PARP8: variants seen among roughly 807,000 people sequenced by gnomAD.
The protein encoded by PARP8 is poly(ADP-ribose) polymerase family member 8, also known as protein mono-ADP-ribosyltransferase PARP8.
PARP8 carries 51 observed loss-of-function variants against 124.1 expected under a neutral mutation model. The observed-to-expected ratio is 0.41, with a 90% confidence interval of 0.33 to 0.52. The LOEUF is 0.52. Ranked by LOEUF, PARP8 falls within the 20% of genes least tolerant of loss-of-function variation. The pLI is 0.21. For synonymous variants in PARP8, 391 were observed against 361.5 expected (o/e 1.08, Z -0.93); for missense variants, 860 against 1,018.9 (o/e 0.84, Z 2.12).
At chr5:50,747,158 G>GTTTTTTTTTTTTTTTTTTTTTT (rs1370932889) in intron 2 of PARP8, among the ~76,000 whole-genome samples, 18 of 82,200 alleles carry the variant, frequency 2.2e-4, no homozygotes, top group South Asian at 8.9e-4. Flanking sequence ...TTGTTTGTTT[G>GTTTTTTTTTTTTTTTTTTTTTT]TTTTGTTTTT....
chr5:50,691,052 C>G (rs1561250125), intron 2 of PARP8, among the ~76,000 whole-genome samples: 1 of 152,178 alleles, frequency 6.6e-6, no homozygotes, highest in Non-Finnish European at 1.5e-5. Flanking sequence ...TCGTTTCTTC[C>G]TCTATTCAAA....
chr5:50,766,891 A>G (rs1024547262), intron 7 of PARP8, among the ~76,000 whole-genome samples: 17 of 152,196 alleles, frequency 1.1e-4, no homozygotes, highest in African/African-American at 4.1e-4. Flanking sequence ...AAGAAAAAAA[A>G]TGCATACCTC....
At chr5:50,808,654 T>C (rs1035927556) in intron 14 of PARP8, among the ~76,000 whole-genome samples, 1 of 152,028 alleles carries the variant, frequency 6.6e-6, no homozygotes, top group African/African-American at 2.4e-5. Flanking sequence ...AAATTACAGC[T>C]ATCCGTTTGG....
chr5:50,695,220 G>A (rs562939909), intron 2 of PARP8, among the ~76,000 whole-genome samples: 1 of 152,296 alleles, frequency 6.6e-6, no homozygotes, highest in South Asian at 2.1e-4. Context: ...GCTCCCAAGT[G>A]TAGAAATGGA....
chr5:50,682,999 G>A (rs36077571), intron 2 of PARP8, among the ~76,000 whole-genome samples: 80,382 of 151,776 alleles, frequency 0.53, 23,276 homozygotes, highest in East Asian at 0.64. Flanking sequence ...CCTTGGTCTC[G>A]GTATTTGTGG....
intron 2 of PARP8, chr5:50,745,036 A>C (rs1403980972): frequency 2.9e-6 from 1 of 344,292 alleles, no homozygotes; most frequent in Non-Finnish European, 5.3e-6. Flanking sequence ...GAACTCTGCA[A>C]GTCACAAAGT....
chr5:50,784,843 A>G (rs2149625144), intron 9 of PARP8, among the ~76,000 whole-genome samples: 1 of 152,106 alleles, frequency 6.6e-6, no homozygotes. Flanking sequence ...TATTTGCATA[A>G]TTAGACTTTT....
chr5:50,754,764 C>A (rs923225206), intron 3 of PARP8, among the ~76,000 whole-genome samples: 2 of 152,204 alleles, frequency 1.3e-5, no homozygotes, highest in African/African-American at 4.8e-5. Context: ...GCCACACTAT[C>A]TTCCACAATG....
At chr5:50,769,570 C>G (rs542405045) in intron 7 of PARP8, among the ~76,000 whole-genome samples, 5 of 151,830 alleles carry the variant, frequency 3.3e-5, no homozygotes, top group Admixed American at 6.6e-5. Context: ...TATGAGAAGA[C>G]AGATGCACAT....
intron 2 of PARP8, among the ~76,000 whole-genome samples, chr5:50,705,585 G>T (rs1440787918): frequency 6.6e-6 from 1 of 152,122 alleles, no homozygotes; most frequent in Non-Finnish European, 1.5e-5. Context: ...AGGAGTTTGA[G>T]ACCAGCCTGG....
At chr5:50,817,720 T>C (rs2149694230) in intron 15 of PARP8, among the ~76,000 whole-genome samples, 1 of 152,328 alleles carries the variant, frequency 6.6e-6, no homozygotes, top group South Asian at 2.1e-4. Flanking sequence ...TGAATCTGCT[T>C]CCTTTTTTAG....
intron 2 of PARP8, chr5:50,744,603 C>A: frequency 1.8e-6 from 1 of 566,726 alleles, no homozygotes; most frequent in Non-Finnish European, 3.2e-6. Flanking sequence ...AAGAACCATG[C>A]ATCACACTGT....
At chr5:50,700,780 A>T (rs1753512114) in intron 2 of PARP8, among the ~76,000 whole-genome samples, 1 of 152,142 alleles carries the variant, frequency 6.6e-6, no homozygotes, top group East Asian at 1.9e-4. Context: ...TACAATGTTA[A>T]TGTAGTAATG....
At chr5:50,741,142 A>G (rs1455914397) in intron 2 of PARP8, among the ~76,000 whole-genome samples, 1 of 152,236 alleles carries the variant, frequency 6.6e-6, no homozygotes, top group Non-Finnish European at 1.5e-5. Flanking sequence ...ATATTTATCA[A>G]AAGAATACTG....
chr5:50,736,074 T>A (rs1340997832), intron 2 of PARP8, among the ~76,000 whole-genome samples: 1 of 151,088 alleles, frequency 6.6e-6, no homozygotes, highest in Admixed American at 6.6e-5. Context: ...TAAAATTGAT[T>A]CCCAAAAAAT....
chr5:50,698,078 A>G (rs570017321), intron 2 of PARP8, among the ~76,000 whole-genome samples: 40 of 152,322 alleles, frequency 2.6e-4, no homozygotes, highest in African/African-American at 9.1e-4. Flanking sequence ...TTACACATTT[A>G]GATATGACTA....
chr5:50,783,598 G>A (rs1026753313), intron 9 of PARP8, among the ~76,000 whole-genome samples: 4 of 152,086 alleles, frequency 2.6e-5, no homozygotes, highest in Non-Finnish European at 5.9e-5. Context: ...TGCTTTCTTA[G>A]TGATGGCCAC....
chr5:50,672,301 T>C (rs1475893116), intron 2 of PARP8, among the ~76,000 whole-genome samples: 1 of 152,234 alleles, frequency 6.6e-6, no homozygotes, highest in East Asian at 1.9e-4. Flanking sequence ...TTCTCTCCTA[T>C]GCGTTGCAGT....
intron 7 of PARP8, among the ~76,000 whole-genome samples, chr5:50,769,428 G>T (rs141207803): frequency 7.6e-4 from 116 of 152,010 alleles, no homozygotes; most frequent in African/African-American, 2.7e-3. Context: ...TGTAGGAAAA[G>T]GTCATTGTGA....
Sources: gnomAD v4.1 joint callset for allele counts (sites outside exome capture counted in the v4.1 genomes callset) on GRCh38, gnomAD v4.1.1 for gene constraint, MANE v1.5 for transcripts, NCBI Gene and HGNC (gene_info 2026-07-23, HGNC 2026-07-21) for gene names.